The following ASXL1 variants were observed in gnomAD, a reference collection of about 807,000 sequenced individuals.
The protein encoded by ASXL1 is polycomb group protein ASXL1.
Under a neutral mutation model 89.1 loss-of-function variants are expected in ASXL1, and 65 were observed. The observed-to-expected ratio is 0.73, with a 90% confidence interval of 0.60 to 0.90. The LOEUF (loss-of-function observed/expected upper bound fraction) is 0.90, where lower values mean the gene tolerates loss of function less well. Ranked by LOEUF, ASXL1 falls within the 40% of genes least tolerant of loss-of-function variation. The pLI, the probability that ASXL1 is intolerant of heterozygous loss-of-function variation, is 0.00. For synonymous variants in ASXL1, 739 were observed against 746.9 expected, an observed-to-expected ratio of 0.99 and a Z score of 0.17; for missense variants, 1,786 against 1,942.9, an observed-to-expected ratio of 0.92 and a Z score of 1.52.
At chr20:32,412,386 G>A (rs1359401971) in intron 4 of ASXL1, among the ~76,000 whole-genome samples, 1 of 152,024 alleles carries the variant, frequency 6.6e-6, no homozygotes, top group East Asian at 1.9e-4. Flanking sequence ...TTTGTTTATA[G>A]TTCATTTAGG....
In ASXL1 at chr20:32,436,347, C is replaced by T. The variant is rs542568224; in HGVS notation, c.3635C>T (p.Ser1212Phe). The T allele has an allele frequency of 1.3e-4, 216 of 1,613,820 alleles. 3 individuals are homozygous for T. In the South Asian group the frequency reaches 2.2e-3, roughly 16 times the overall value. ...TGCAAGGCAGTCCCAAGTTTTGACT[C>T]CCTCCATCCAGTGACAAATCCCATT... ...KNCKAVPSFDSLHPVTNPITS... is the reference protein window; with the variant it reads ...KNCKAVPSFDFLHPVTNPITS... Residue 1212 changes from serine (S) to phenylalanine (F), a missense_variant, in exon 13 of 13, where the codon TCC (serine) becomes TTC (phenylalanine). Physicochemically the swap from Ser to Phe is radical, Grantham distance 155 (BLOSUM62 -2). Coordinates refer to ENST00000375687, the MANE Select transcript of ASXL1 (RefSeq NM_015338.6).
At chr20:32,430,133 A>C in intron 8 of ASXL1, 80 bp downstream of exon 8, 1 of 1,497,128 alleles carries the variant, frequency 6.7e-7, no homozygotes, top group Non-Finnish European at 8.9e-7. Flanking sequence ...CTTCTATTCC[A>C]ATTCCTTTAC....
chr20:32,431,136 G>A (rs2011499925), intron 8 of ASXL1, 185 bp from the exon 9 acceptor site: 1 of 770,612 alleles, frequency 1.3e-6, no homozygotes, highest in Non-Finnish European at 2.2e-6. Flanking sequence ...GTGTTCTCCT[G>A]GGTTTGATGG....
intron 1 of ASXL1, among the ~76,000 whole-genome samples, chr20:32,362,315 TAG>T (rs942695702): frequency 1.3e-5 from 2 of 152,176 alleles, no homozygotes; most frequent in African/African-American, 2.4e-5. Flanking sequence ...GATTGGTGAC[TAG>T]AGTGTTACTG....
intron 4 of ASXL1, among the ~76,000 whole-genome samples, chr20:32,423,291 A>G (rs2011187949): frequency 2.0e-5 from 3 of 151,774 alleles, no homozygotes; most frequent in African/African-American, 7.3e-5. Context: ...GTGCAATGGC[A>G]TGATCTCAGC....
At chr20:32,397,469 G>A (rs2048790137) in intron 4 of ASXL1, among the ~76,000 whole-genome samples, 2 of 136,244 alleles carry the variant, frequency 1.5e-5, no homozygotes, top group Non-Finnish European at 1.5e-5. Context: ...GCATGATCTC[G>A]GCTCGCTGCA....
intron 4 of ASXL1, among the ~76,000 whole-genome samples, chr20:32,420,861 A>G (rs1195493859): frequency 2.6e-5 from 4 of 152,176 alleles, no homozygotes; most frequent in Non-Finnish European, 5.9e-5. Context: ...TATGGCCAAT[A>G]AGCACATTAA....
At chr20:32,363,622 G>T (rs2048158925) in intron 1 of ASXL1, among the ~76,000 whole-genome samples, 1 of 152,178 alleles carries the variant, frequency 6.6e-6, no homozygotes, top group Non-Finnish European at 1.5e-5. Flanking sequence ...GAAGATAATT[G>T]TATGTGTTAT....
rs746873290 is a variant in ASXL1 at position 32,433,780 on chromosome 20, G to C, written c.1582G>C (p.Glu528Gln). 3 of 1,614,242 alleles carry C rather than the reference G, an allele frequency of 1.9e-6. No homozygotes were observed. Among genetic ancestry groups the C allele is most frequent in the Non-Finnish European group, 2.5e-6 (3 of 1,180,054 alleles). ...EPKDQKRKSF[E>Q]QAASASFPEK... is the part of the protein sequence containing the mutation. ...CAAGGATCAGAAGAGGAAATCCTTT[G>C]AGCAGGCGGCCTCTGCATCCTTTCC... Residue 528 changes from glutamate to glutamine, a missense_variant, in exon 12 of 13, where the codon GAG becomes CAG. Physicochemically the swap from Glu to Gln is conservative, Grantham distance 29 (BLOSUM62 2). Around this residue, in one of 3 missense-constraint regions of ASXL1, gnomAD observed 1,418 missense variants for 1,427.8 expected, o/e 0.99. Transcript: ENST00000375687.
At position 32,436,824 on chromosome 20, in the gene ASXL1, A is replaced by G. The variant is rs747916498; in HGVS notation, c.4112A>G (p.Lys1371Arg). ...HAFVGSVKNE[K>R]TFVGGPLKAN... is the part of the protein sequence containing the mutation. ...TTTGTTGGCAGCGTCAAGAATGAGA[A>G]GACTTTTGTGGGGGGTCCTCTTAAG... is the stretch of plus-strand genomic sequence containing the variant. Residue 1371 changes from lysine (K) to arginine (R), a missense_variant, in exon 13 of 13, where the codon AAG (lysine) becomes AGG (arginine). Lys to Arg is a conservative substitution (Grantham distance 26). Coordinates refer to ENST00000375687, the MANE Select transcript of ASXL1 (RefSeq NM_015338.6). 5 of 1,614,086 alleles carry G rather than the reference A, an allele frequency of 3.1e-6. No individual in the cohort carries two copies. In the African/African-American group the frequency reaches 6.7e-5, roughly 22 times the overall value.
At chr20:32,402,749 T>C (rs2048896449) in intron 4 of ASXL1, among the ~76,000 whole-genome samples, 1 of 152,246 alleles carries the variant, frequency 6.6e-6, no homozygotes, top group Non-Finnish European at 1.5e-5. Flanking sequence ...TCCATTTGAA[T>C]ATTCTCTTTG....
chr20:32,394,358 G>A (rs540759714), intron 4 of ASXL1, among the ~76,000 whole-genome samples: 143 of 152,126 alleles, frequency 9.4e-4, no homozygotes, highest in South Asian at 6.6e-3. Flanking sequence ...AGCAGGTCTC[G>A]AATTCCTGAC....
intron 4 of ASXL1, among the ~76,000 whole-genome samples, chr20:32,404,105 C>T (rs903112185): frequency 6.6e-6 from 1 of 152,054 alleles, no homozygotes; most frequent in Non-Finnish European, 1.5e-5. Flanking sequence ...CTGTTGAACC[C>T]TGGAACTAAT....
rs557853995 is a variant in ASXL1 at position 32,425,942 on chromosome 20, T to G, written c.253-2186T>G. Among the ~76,000 whole-genome samples the G allele has an allele frequency of 2.6e-5, 4 of 152,358 alleles. No homozygotes were observed. The South Asian group carries it at 8.3e-4, about 32-fold the overall frequency. ...CTTGTCTTGAACCCCTGACCTCAAG[T>G]GATCCATCCGCCTTGGCCTCCCAAA... is the stretch of plus-strand genomic sequence containing the variant. On this transcript the variant is annotated intron_variant, in intron 4 of 12. Coordinates refer to ENST00000375687, the MANE Select transcript of ASXL1 (RefSeq NM_015338.6).
chr20:32,399,326 G>C lies in ASXL1; in HGVS notation c.253-28802G>C, dbSNP rs139890124. On this transcript the variant is annotated intron_variant, in intron 4 of 12. Coordinates refer to ENST00000375687, the MANE Select transcript of ASXL1 (RefSeq NM_015338.6). The stretch of plus-strand genomic sequence containing the variant: ...TTCTAACAAGAAATCTGCTATCTTT[G>C]TTCTGTATTTTGCATGCTTTTTTTT... Among the ~76,000 whole-genome samples the C allele has an allele frequency of 3.3e-5, 5 of 151,262 alleles. No individual in the cohort carries two copies. In the East Asian group the frequency reaches 9.7e-4, roughly 29 times the overall value.
chr20:32,418,058 A>T (rs1424058531), intron 4 of ASXL1, among the ~76,000 whole-genome samples: 1 of 151,962 alleles, frequency 6.6e-6, no homozygotes, highest in African/African-American at 2.4e-5. Context: ...GGCGCCTGTA[A>T]CCCCAGCTAC....
Position 32,361,443 on chromosome 20 carries a change from G to T in ASXL1, c.57+2611G>T, listed in dbSNP as rs373136886. 2.6e-5 allele frequency among the ~76,000 whole-genome samples: 4 copies of T among 151,426 alleles called. No homozygotes were observed. In the South Asian group the frequency reaches 6.3e-4, roughly 24 times the overall value. ...TCACAGGGTCAGGAGTTCTAGACCA[G>T]CTTGGCCAACAAGGTAAAACCCAGT... On this transcript the variant is annotated intron_variant, in intron 1 of 12. Transcript: ENST00000375687.
In ASXL1 at chr20:32,436,865, A is replaced by G. The variant is rs750607342; in HGVS notation, c.4153A>G (p.Arg1385Gly). The G allele has an allele frequency of 1.2e-6, 2 of 1,614,244 alleles. No homozygotes were observed. Among genetic ancestry groups the G allele is most frequent in the South Asian group, 2.2e-5 (2 of 91,084 alleles). Residue 1385 changes from arginine (R) to glycine (G), a missense_variant, in exon 13 of 13, where the codon AGG (arginine) becomes GGG (glycine). Arg to Gly is a moderately radical substitution (Grantham distance 125, BLOSUM62 -2). This residue lies in a region of ASXL1 where 1,418 missense variants were observed against 1,427.8 expected (regional missense o/e 0.99). Transcript: ENST00000375687. ...GGPLKANAEN[R>G]KATGHSPLEL... is the part of the protein sequence containing the mutation. ...TCCTCTTAAGGCAAATGCCGAGAACAGGAAAGCTACTGGGCATAGTCCCCT... is the reference window on the plus strand; with the variant it reads ...TCCTCTTAAGGCAAATGCCGAGAACGGGAAAGCTACTGGGCATAGTCCCCT...
rs1402524934 is a variant in ASXL1, at chr20:32,435,433, A to G, written c.2721A>G (p.Val907=). The part of the protein sequence containing the change: ...HWIPIPSNDE[V]VKQPKPESRE... ...TACCCATCCCATCGAATGATGAGGT[A>G]GTGAAACAGCCCAAACCAGAATCCA... is the stretch of plus-strand genomic sequence containing the variant. The change falls in exon 13 of 13, where the codon GTA becomes GTG. Residue 907 remains valine (V), a synonymous_variant. Transcript: ENST00000375687. 2 of 1,614,136 alleles carry G rather than the reference A, an allele frequency of 1.2e-6. No individual in the cohort carries two copies. The highest frequency in any genetic ancestry group is 1.7e-5 in the Admixed American group (1 of 60,030).
Sources: gnomAD v4.1 joint callset for allele counts (sites outside exome capture counted in the v4.1 genomes callset) on GRCh38, gnomAD v4.1.1 for gene constraint, gnomAD v4.1.1 regional missense constraint, MANE v1.5 for transcripts, NCBI Gene and HGNC (gene_info 2026-07-23, HGNC 2026-07-21) for gene names.